KANK2: variants seen among roughly 807,000 people sequenced by gnomAD.
The protein encoded by KANK2 is KN motif and ankyrin repeat domain-containing protein 2.
KANK2 carries 41 observed loss-of-function variants against 74.6 expected under a neutral mutation model. The ratio of observed to expected loss-of-function variants is 0.55; its 90% CI spans 0.43 to 0.71. KANK2 has a LOEUF of 0.71. Among genes scored for constraint, KANK2 ranks in the 30% least tolerant of loss-of-function variants. The pLI, the probability that KANK2 is intolerant of heterozygous loss-of-function variation, is 0.00. For synonymous variants in KANK2, 537 were observed against 519.0 expected, an observed-to-expected ratio of 1.03 and a Z score of -0.47; for missense variants, 1,148 against 1,196.4, an observed-to-expected ratio of 0.96 and a Z score of 0.60.
At chr19:11,194,772 C>A (rs989022475) in intron 2 of KANK2, 182 bp from the exon 3 acceptor site, 2 of 414,558 alleles carry the variant, frequency 4.8e-6, no homozygotes, top group African/African-American at 4.3e-5. Context: ...CCCCGCAGGT[C>A]TGGAACAAAG....
intron 9 of KANK2, among the ~76,000 whole-genome samples, chr19:11,173,926 G>A (rs941397377): frequency 8.6e-5 from 13 of 151,286 alleles, no homozygotes; most frequent in South Asian, 2.1e-4. Flanking sequence ...ACAATGAACC[G>A]GGAAGATGAT....
intron 12 of KANK2, among the ~76,000 whole-genome samples, chr19:11,167,551 G>A (rs559109495): frequency 4.1e-5 from 6 of 148,110 alleles, no homozygotes; most frequent in Middle Eastern, 3.5e-3. Context: ...TTTTTGAGGC[G>A]GAATCTCACT....
intron 2 of KANK2, among the ~76,000 whole-genome samples, chr19:11,195,399 G>A (rs1029282512): frequency 5.9e-5 from 9 of 152,122 alleles, no homozygotes; most frequent in African/African-American, 2.2e-4. Flanking sequence ...CAGCCTTGGA[G>A]GCCGGCCAGG....
At chr19:11,171,038 T>A (rs2078159438) in intron 10 of KANK2, among the ~76,000 whole-genome samples, 1 of 152,142 alleles carries the variant, frequency 6.6e-6, no homozygotes, top group Admixed American at 6.6e-5. Context: ...GCCAGGATGG[T>A]CTCAATCTCT....
At chr19:11,185,837 G>A (rs1203466590) in intron 4 of KANK2, among the ~76,000 whole-genome samples, 1 of 152,002 alleles carries the variant, frequency 6.6e-6, no homozygotes, top group Non-Finnish European at 1.5e-5. Flanking sequence ...CCTGGAGTTC[G>A]AGACCAACCT....
Position 11,165,494 on chromosome 19 carries a change from C to G in KANK2, c.*1064G>C, listed in dbSNP as rs1010752704. Reference sequence around the variant, plus strand: ...AGATTCTTTTCCTGCGTCTTCAGGTCTGAAGGATTTTCTAGGAAAATTAAC... The same window carrying G: ...AGATTCTTTTCCTGCGTCTTCAGGTGTGAAGGATTTTCTAGGAAAATTAAC... On this transcript the variant is annotated 3_prime_UTR_variant, in exon 13 of 13. Transcript: ENST00000586659. 2.6e-5 allele frequency: 4 copies of G among 152,170 alleles called. No homozygotes were observed. Among genetic ancestry groups the G allele is most frequent in the African/African-American group, 9.7e-5 (4 of 41,440 alleles). 9.4% of individuals were successfully genotyped at this position (152,170 alleles called of 1,614,324 possible).
intron 6 of KANK2, among the ~76,000 whole-genome samples, chr19:11,177,838 C>G (rs1481856286): frequency 1.3e-5 from 2 of 152,172 alleles, no homozygotes; most frequent in African/African-American, 4.8e-5. Context: ...CACCTCTGAG[C>G]CTTTACCCAC....
chr19:11,171,660 C>A (rs1302366589), intron 10 of KANK2, among the ~76,000 whole-genome samples: 2 of 151,526 alleles, frequency 1.3e-5, no homozygotes, highest in Non-Finnish European at 2.9e-5. Flanking sequence ...CAGGCATGAG[C>A]CACCTTGGTG....
intron 8 of KANK2, 74 bp from the exon 9 acceptor site, chr19:11,174,766 C>T (rs1715800480): frequency 1.6e-6 from 2 of 1,225,880 alleles, no homozygotes; most frequent in African/African-American, 1.5e-5. Context: ...CCCAGATGCG[C>T]CCCCGGAGCA....
At chr19:11,179,477 A>G (rs2078448428) in intron 4 of KANK2, among the ~76,000 whole-genome samples, 1 of 150,510 alleles carries the variant, frequency 6.6e-6, no homozygotes, top group African/African-American at 2.4e-5. Context: ...TCTCTACTAA[A>G]TATACAAAAA....
At position 11,178,358 on chromosome 19, in the gene KANK2, C is replaced by A. The variant is rs766282415; in HGVS notation, c.1507G>T (p.Gly503Trp). ...TAHRRSLQFVGVNGGYESSSE... is the reference protein window; with the variant it reads ...TAHRRSLQFVWVNGGYESSSE... ...TTCTCCTCTCACCCGCCGTTGACCC[C>A]CACGAACTGGAGGCTCCTCCGGTGG... Residue 503 changes from glycine (G) to tryptophan (W), a missense_variant, in exon 6 of 13, where the codon GGG (glycine) becomes TGG (tryptophan). Physicochemically the swap from Gly to Trp is radical, Grantham distance 184 (BLOSUM62 -2). Coordinates refer to ENST00000586659, the MANE Select transcript of KANK2 (RefSeq NM_001136191.3). 3.3e-6 allele frequency: 5 copies of A among 1,524,814 alleles called. No homozygotes were observed. Among genetic ancestry groups the A allele is most frequent in the Admixed American group, 4.7e-5 (2 of 42,200 alleles). 94.5% of individuals were successfully genotyped at this position (1,524,814 alleles called of 1,614,324 possible). A position where few individuals can be genotyped will look rare whatever the true frequency, so the allele number is the denominator to read the frequency against.
chr19:11,194,004 TG>T lies in KANK2; in HGVS notation c.75del (p.Lys26ArgfsTer45). On this transcript the variant is annotated frameshift_variant, in exon 4 of 13. Coordinates refer to ENST00000586659, the MANE Select transcript of KANK2 (RefSeq NM_001136191.3). LOFTEE classifies it high-confidence loss of function. ...ACGGAGTAGGGTGGATCGGGGTCCT[TG>T]GCAGGGAAGGCAGGTGGGGAGGCTG... ...PGPASPPAFPAKDPDPPYSVE... is the reference protein window; with the variant it reads ...PGPASPPAFPXKDPDPPYSVE... 1 of 1,611,968 alleles carries T rather than the reference TG, an allele frequency of 6.2e-7. No individual in the cohort carries two copies. Among genetic ancestry groups the T allele is most frequent in the Non-Finnish European group, 8.5e-7 (1 of 1,178,750 alleles).
chr19:11,179,648 T>TAAA (rs113747994), intron 4 of KANK2, among the ~76,000 whole-genome samples: 1 of 121,906 alleles, frequency 8.2e-6, no homozygotes, highest in South Asian at 2.6e-4. Context: ...AAATAAAAAA[T>TAAA]AAAAAAAAAA....
rs763137172 is a variant in KANK2 at position 11,192,715 on chromosome 19, A to G, written c.1249+116T>C. ...CTCCCAAAGTGCTGGGATTACAGGC[A>G]TGCGCCACCGCACCCTGCCTGGACC... On this transcript the variant is annotated intron_variant, in intron 4 of 12. Transcript: ENST00000586659. 31 of 1,303,272 alleles carry G rather than the reference A, an allele frequency of 2.4e-5. No individual in the cohort carries two copies. In the South Asian group the frequency reaches 3.0e-4, roughly 13 times the overall value. 80.7% of individuals were successfully genotyped at this position (1,303,272 alleles called of 1,614,324 possible).
intron 4 of KANK2, among the ~76,000 whole-genome samples, chr19:11,180,414 C>T (rs887142787): frequency 3.3e-5 from 5 of 151,566 alleles, no homozygotes; most frequent in African/African-American, 9.7e-5. Context: ...TTTTTTTTGC[C>T]ATATACAGTG....
In KANK2 at chr19:11,193,703, C is replaced by A. The variant is rs1236077856; in HGVS notation, c.377G>T (p.Arg126Leu). The change falls in exon 4 of 13, where the codon CGC becomes CTC. Residue 126 changes from arginine to leucine, a missense_variant. Arg to Leu is a moderately radical substitution (Grantham distance 102). Transcript: ENST00000586659. The surrounding 1 kb of genome is among the most constrained non-coding windows in gnomAD (Gnocchi z 9.6). Reference sequence around the variant, plus strand: ...ACGGCGACGGGCATCCAGCAGCGTGCGCTCCACCCGCGGATTGAAGCCACC... The same window carrying A: ...ACGGCGACGGGCATCCAGCAGCGTGAGCTCCACCCGCGGATTGAAGCCACC... Reference protein sequence around the residue: ...TRGGFNPRVERTLLDARRRLE... With the variant: ...TRGGFNPRVELTLLDARRRLE... The A allele has an allele frequency of 2.5e-6, 4 of 1,611,486 alleles. No homozygotes were observed. The highest frequency in any genetic ancestry group is 3.4e-6 in the Non-Finnish European group (4 of 1,179,246).
rs2078220026 is a variant in KANK2, at chr19:11,172,986, T to A, written c.2206A>T (p.Ser736Cys). 25 of 1,613,228 alleles carry A rather than the reference T, an allele frequency of 1.5e-5. No homozygotes were observed. The highest frequency in any genetic ancestry group is 2.1e-5 in the Non-Finnish European group (25 of 1,179,672). ...AGCAGCCGGGGTCCCCATACCTGGCTGGCTTTGGCATTGATGTTGCCAAGC... is the reference window on the plus strand; with the variant it reads ...AGCAGCCGGGGTCCCCATACCTGGCAGGCTTTGGCATTGATGTTGCCAAGC... ...FRLGNINAKA[S>C]QAGQTALMLA... Residue 736 changes from serine to cysteine, a missense_variant, in exon 10 of 13, where the codon AGC becomes TGC. Ser to Cys is a moderately radical substitution (Grantham distance 112). Coordinates refer to ENST00000586659, the MANE Select transcript of KANK2 (RefSeq NM_001136191.3).
In KANK2 at chr19:11,182,211, C is replaced by T. The variant is rs374392025; in HGVS notation, c.1250-3491G>A. Among the ~76,000 whole-genome samples the T allele has an allele frequency of 9.8e-4, 149 of 152,054 alleles. 2 individuals carry two copies. The South Asian group carries it at 0.029, about 30-fold the overall frequency. On this transcript the variant is annotated intron_variant, in intron 4 of 12. Transcript: ENST00000586659. ...GATTACAGGCTTAAGCCAACACGCC[C>T]GGCCAGATGCCAAATTTTATGTTCT...
chr19:11,171,062 C>T (rs890262072), intron 10 of KANK2, among the ~76,000 whole-genome samples: 1 of 152,086 alleles, frequency 6.6e-6, no homozygotes, highest in Non-Finnish European at 1.5e-5. Context: ...CCTCGTGATC[C>T]GCCCGCCTAG....
Sources: allele counts gnomAD v4.1 joint callset (sites outside exome capture counted in the v4.1 genomes callset), GRCh38; gene constraint gnomAD v4.1.1; non-coding constraint Gnocchi (gnomAD v3.1); transcripts MANE v1.5; gene names NCBI Gene and HGNC (gene_info 2026-07-23, HGNC 2026-07-21).